The following LDB2 variants were observed in gnomAD, a reference collection of about 807,000 sequenced individuals.
The protein encoded by LDB2 is LIM domain binding 2.
LDB2 carries 12 observed loss-of-function variants against 44.3 expected under a neutral mutation model. The ratio of observed to expected loss-of-function variants is 0.27; its 90% confidence interval spans 0.17 to 0.44. The LOEUF is 0.44. Ranked by LOEUF, LDB2 falls within the 20% of genes least tolerant of loss-of-function variation. The pLI, the probability that LDB2 is intolerant of heterozygous loss-of-function variation, is 1.00. For missense variants in LDB2, 344 were observed against 473.5 expected, an observed-to-expected ratio of 0.73 and a Z score of 2.54; for synonymous variants, 164 against 174.8, an observed-to-expected ratio of 0.94 and a Z score of 0.49.
At chr4:16,898,269 T>C (rs1229970172) in intron 1 of LDB2, 85 bp downstream of exon 1, 14 of 1,359,754 alleles carry the variant, frequency 1.0e-5, no homozygotes, top group African/African-American at 1.0e-4. Context: ...ACACTTCCCA[T>C]AGAATTCAGC....
chr4:16,778,571 CA>C (rs1324634135), intron 1 of LDB2, among the ~76,000 whole-genome samples: 1 of 152,132 alleles, frequency 6.6e-6, no homozygotes, highest in Non-Finnish European at 1.5e-5. Flanking sequence ...AAGACAAGGT[CA>C]GTGTTCATTT....
At chr4:16,825,836 T>G (rs1187153632) in intron 1 of LDB2, among the ~76,000 whole-genome samples, 1 of 152,168 alleles carries the variant, frequency 6.6e-6, no homozygotes, top group Non-Finnish European at 1.5e-5. Flanking sequence ...TTTCCCATAA[T>G]GGTTAATAAA....
chr4:16,720,029 T>C (rs1757916883), intron 2 of LDB2, among the ~76,000 whole-genome samples: 1 of 152,122 alleles, frequency 6.6e-6, no homozygotes, highest in African/African-American at 2.4e-5. Context: ...ACTTCAACTA[T>C]TATAATCTCT....
intron 5 of LDB2, among the ~76,000 whole-genome samples, chr4:16,583,321 A>T (rs1385215495): frequency 1.3e-5 from 2 of 152,214 alleles, no homozygotes; most frequent in East Asian, 3.8e-4. Context: ...AGGACGCATC[A>T]GTTTTTAAAG....
intron 2 of LDB2, among the ~76,000 whole-genome samples, chr4:16,676,147 TTG>T (rs372933582): frequency 6.6e-6 from 1 of 151,864 alleles, no homozygotes; most frequent in South Asian, 2.1e-4. Flanking sequence ...GGAGGAGAGG[TTG>T]TGTGTGTGTG....
chr4:16,558,060 A>T (rs1243870778), intron 5 of LDB2, among the ~76,000 whole-genome samples: 3 of 152,234 alleles, frequency 2.0e-5, no homozygotes, highest in Non-Finnish European at 4.4e-5. Context: ...CCAAAAACCC[A>T]TCTGTACATC....
In LDB2 at chr4:16,520,138, G is replaced by A. The variant is rs902419928; in HGVS notation, c.616-8034C>T. Among the ~76,000 whole-genome samples, 5 of 151,722 alleles carry A rather than the reference G, an allele frequency of 3.3e-5. No homozygotes were observed. In the East Asian group the frequency reaches 5.8e-4, roughly 18 times the overall value. On this transcript the variant is annotated intron_variant, in intron 5 of 7. Coordinates refer to ENST00000304523, the MANE Select transcript of LDB2 (RefSeq NM_001290.5). Reference sequence around the variant, plus strand: ...CAGGTTTTTTCACCCTCCCCTCCCCGCCGCCCCACCGCCAGTAATTTACTC... The same window carrying A: ...CAGGTTTTTTCACCCTCCCCTCCCCACCGCCCCACCGCCAGTAATTTACTC...
intron 2 of LDB2, among the ~76,000 whole-genome samples, chr4:16,624,451 A>G (rs1212441186): frequency 6.6e-6 from 1 of 152,148 alleles, no homozygotes; most frequent in East Asian, 1.9e-4. Flanking sequence ...AATATATAAA[A>G]TGTTGGTAAC....
chr4:16,622,523 A>G (rs1357910570), intron 2 of LDB2, among the ~76,000 whole-genome samples: 1 of 152,228 alleles, frequency 6.6e-6, no homozygotes, highest in Admixed American at 6.5e-5. Context: ...ATCAAGAAGA[A>G]CAACAGCTAT....
At chr4:16,659,185 A>C (rs930678961) in intron 2 of LDB2, among the ~76,000 whole-genome samples, 3 of 152,154 alleles carry the variant, frequency 2.0e-5, no homozygotes, top group Non-Finnish European at 4.4e-5. Context: ...GACTGTCCTT[A>C]AATATGAAAT....
intron 1 of LDB2, among the ~76,000 whole-genome samples, chr4:16,781,954 C>T (rs1773326480): frequency 6.6e-6 from 1 of 152,140 alleles, no homozygotes; most frequent in Non-Finnish European, 1.5e-5. Flanking sequence ...CAGATTCTTC[C>T]TCAAAGTTCT....
chr4:16,862,047 G>C (rs1458428407), intron 1 of LDB2, among the ~76,000 whole-genome samples: 1 of 152,086 alleles, frequency 6.6e-6, no homozygotes, highest in African/African-American at 2.4e-5. Flanking sequence ...ACAAGGTTGT[G>C]AGAAATAAAG....
At chr4:16,747,325 G>A (rs1764596542) in intron 2 of LDB2, among the ~76,000 whole-genome samples, 1 of 152,078 alleles carries the variant, frequency 6.6e-6, no homozygotes, top group Non-Finnish European at 1.5e-5. Context: ...CATTTTATAA[G>A]AAATACATTC....
intron 2 of LDB2, among the ~76,000 whole-genome samples, chr4:16,617,658 G>A (rs999841011): frequency 6.6e-6 from 1 of 152,002 alleles, no homozygotes; most frequent in Non-Finnish European, 1.5e-5. Flanking sequence ...AGCTACACAT[G>A]GAAGGTTTTG....
At chr4:16,830,252 T>C (rs1783821802) in intron 1 of LDB2, among the ~76,000 whole-genome samples, 1 of 152,200 alleles carries the variant, frequency 6.6e-6, no homozygotes, top group African/African-American at 2.4e-5. Context: ...GATTGGATCA[T>C]GCGGGTGGTT....
chr4:16,874,546 C>G (rs1411276050), intron 1 of LDB2, among the ~76,000 whole-genome samples: 1 of 152,198 alleles, frequency 6.6e-6, no homozygotes, highest in Non-Finnish European at 1.5e-5. Flanking sequence ...ATCACTCTTT[C>G]TCCTCTCAAT....
At chr4:16,547,964 T>C (rs544702641) in intron 5 of LDB2, among the ~76,000 whole-genome samples, 8 of 152,102 alleles carry the variant, frequency 5.3e-5, no homozygotes, top group Non-Finnish European at 1.2e-4. Flanking sequence ...TGTTTGTTTT[T>C]TGTTTTTTTT....
intron 1 of LDB2, among the ~76,000 whole-genome samples, chr4:16,894,515 C>G (rs192309591): frequency 6.6e-6 from 1 of 152,244 alleles, no homozygotes; most frequent in African/African-American, 2.4e-5. Flanking sequence ...TAATGCATGC[C>G]TATTCCTTTA....
At chr4:16,644,502 A>C (rs1448424327) in intron 2 of LDB2, among the ~76,000 whole-genome samples, 1 of 147,470 alleles carries the variant, frequency 6.8e-6, no homozygotes, top group African/African-American at 2.5e-5. Flanking sequence ...ATCTTGGCTC[A>C]CTGCAACCTC....
Sources: gnomAD v4.1 joint callset for allele counts (sites outside exome capture counted in the v4.1 genomes callset) on GRCh38, gnomAD v4.1.1 for gene constraint, MANE v1.5 for transcripts, NCBI Gene and HGNC (gene_info 2026-07-23, HGNC 2026-07-21) for gene names.